Variants in LRMDA observed in about 807,000 individuals in gnomAD.
LRMDA encodes leucine rich melanocyte differentiation associated, also known as leucine-rich melanocyte differentiation-associated protein.
In LRMDA, 18 loss-of-function variants were observed where a neutral mutation model predicts 29.8. The ratio of observed to expected loss-of-function variants is 0.60; its 90% CI spans 0.42 to 0.90. LRMDA has a LOEUF of 0.90. Ranked by LOEUF, LRMDA falls within the 40% of genes least tolerant of loss-of-function variation. The pLI is 0.00. For missense variants in LRMDA, 273 were observed against 273.9 expected (o/e 1.00, Z 0.02); for synonymous variants, 125 against 109.4 (o/e 1.14, Z -0.89).
chr10:75,737,381 C>T (rs553068596), intron 2 of LRMDA, among the ~76,000 whole-genome samples: 8 of 152,312 alleles, frequency 5.3e-5, no homozygotes, highest in South Asian at 2.1e-4. Flanking sequence ...CCCCCATCAC[C>T]GTGGCAGGAA....
At position 76,555,646 on chromosome 10, in the gene LRMDA, A is replaced by G. The variant is rs1015013478; in HGVS notation, c.602-1563A>G. On this transcript the variant is annotated intron_variant, in intron 6 of 6. Coordinates refer to ENST00000611255, the MANE Select transcript of LRMDA (RefSeq NM_001305581.2). ...GTCATTTTGATCCTTATGTAAGAAT[A>G]AGGTTTGAAGTTTTGTAGTGGAGAA... Among the ~76,000 whole-genome samples the G allele has an allele frequency of 4.6e-5, 7 of 152,320 alleles. No individual in the cohort carries two copies. In the East Asian group the frequency reaches 1.3e-3, roughly 29 times the overall value.
chr10:76,472,067 C>A (rs1842623592), intron 6 of LRMDA, among the ~76,000 whole-genome samples: 1 of 151,630 alleles, frequency 6.6e-6, no homozygotes, highest in Admixed American at 6.6e-5. Context: ...ACACTATAAA[C>A]CAACTTGACC....
chr10:75,991,662 G>C (rs914812945), intron 2 of LRMDA, among the ~76,000 whole-genome samples: 1 of 152,220 alleles, frequency 6.6e-6, no homozygotes, highest in Non-Finnish European at 1.5e-5. Flanking sequence ...ACTGATGAGT[G>C]GTACCTACTA....
At chr10:76,184,539 A>G (rs1206598421) in intron 5 of LRMDA, among the ~76,000 whole-genome samples, 1 of 152,220 alleles carries the variant, frequency 6.6e-6, no homozygotes, top group Non-Finnish European at 1.5e-5. Context: ...TCATAAAAGT[A>G]TTTTCAAAGT....
chr10:76,338,105 C>T (rs1353487019), intron 6 of LRMDA, among the ~76,000 whole-genome samples: 1 of 149,544 alleles, frequency 6.7e-6, no homozygotes, highest in East Asian at 2.0e-4. Flanking sequence ...AAATGAATAA[C>T]TAACTGGAAA....
At chr10:75,770,992 C>T (rs368913866) in intron 2 of LRMDA, among the ~76,000 whole-genome samples, 64 of 152,112 alleles carry the variant, frequency 4.2e-4, no homozygotes, top group African/African-American at 1.3e-3. Context: ...TAGACGTGTC[C>T]GTGGGGAGGT....
In LRMDA at chr10:75,431,730, C is replaced by T. The variant is rs1342803449; in HGVS notation, c.6C>T (p.Ala2=). The T allele has an allele frequency of 5.1e-6, 7 of 1,360,020 alleles. No homozygotes were observed. The highest frequency in any genetic ancestry group is 2.8e-5 in the Admixed American group (1 of 35,168). The allele number at this position is 1,360,020 out of a possible 1,614,324, so 84.2% of individuals were successfully genotyped here. Residue 2 remains alanine (A), a synonymous_variant, in exon 1 of 7, where the codon GCC becomes GCT. Transcript: ENST00000611255. M[A]GLVVRGTQVS... ...CCCGCAGCGTCCTGGCCGCCATGGCCGGGCTCGTGGTGCGTGGAACTCAAG... is the reference window on the plus strand; with the variant it reads ...CCCGCAGCGTCCTGGCCGCCATGGCTGGGCTCGTGGTGCGTGGAACTCAAG...
chr10:75,964,815 C>T lies in LRMDA; in HGVS notation c.132-71193C>T, dbSNP rs747968166. Among the ~76,000 whole-genome samples the T allele has an allele frequency of 1.1e-4, 16 of 152,048 alleles. 1 individual carries two copies. Among genetic ancestry groups the T allele is most frequent in the Admixed American group, 6.6e-4 (10 of 15,266 alleles). On this transcript the variant is annotated intron_variant, in intron 2 of 6. Transcript: ENST00000611255. Reference sequence around the variant, plus strand: ...TGGGGTCTCACTCTGTCACCCAGGCCGGAATGCAGTGGTACAATCTCGGCT... The same window carrying T: ...TGGGGTCTCACTCTGTCACCCAGGCTGGAATGCAGTGGTACAATCTCGGCT...
chr10:76,112,692 C>G (rs565002118), intron 5 of LRMDA, among the ~76,000 whole-genome samples: 1 of 72 alleles, frequency 0.014, no homozygotes, highest in South Asian at 0.5. Context: ...CTAGGTAGGT[C>G]CGGCTCCCGG....
intron 2 of LRMDA, among the ~76,000 whole-genome samples, chr10:75,705,809 C>A (rs982086425): frequency 6.6e-6 from 1 of 152,196 alleles, no homozygotes; most frequent in South Asian, 2.1e-4. Context: ...GCCTGGGAAA[C>A]CCTGGTGGCT....
intron 5 of LRMDA, among the ~76,000 whole-genome samples, chr10:76,075,797 T>A (rs1848946811): frequency 6.6e-6 from 1 of 152,136 alleles, no homozygotes; most frequent in African/African-American, 2.4e-5. Flanking sequence ...CTTGGTCAGG[T>A]AGGGGTCCAG....
At chr10:76,503,048 T>C (rs912537508) in intron 6 of LRMDA, among the ~76,000 whole-genome samples, 2 of 151,990 alleles carry the variant, frequency 1.3e-5, no homozygotes, top group Admixed American at 6.6e-5. Context: ...AGATGGCTCT[T>C]ATTATTTTGA....
intron 2 of LRMDA, among the ~76,000 whole-genome samples, chr10:75,964,173 A>G (rs1344398140): frequency 6.6e-6 from 1 of 152,236 alleles, no homozygotes; most frequent in East Asian, 1.9e-4. Context: ...CCCAGAAACC[A>G]TGTTTAACAT....
At position 75,512,945 on chromosome 10, in the gene LRMDA, C is replaced by CA. The variant is rs546782806; in HGVS notation, c.131+74453dup. On this transcript the variant is annotated intron_variant, in intron 2 of 6. Transcript: ENST00000611255. The stretch of plus-strand genomic sequence containing the variant: ...AAGAGTAATGAGGCCATTACATAGC[C>CA]AAGTTTTATCTTTACCATATCAGTT... 7.4e-4 allele frequency among the ~76,000 whole-genome samples: 112 copies of CA among 151,954 alleles called. No individual in the cohort carries two copies. The East Asian group carries it at 0.016, about 22-fold the overall frequency.
intron 2 of LRMDA, among the ~76,000 whole-genome samples, chr10:76,009,915 G>A (rs973326193): frequency 6.7e-6 from 1 of 149,420 alleles, no homozygotes; most frequent in African/African-American, 2.5e-5. Context: ...TCTTTTCCGA[G>A]AGCTAAATGT....
At chr10:75,495,470 T>G (rs1433415981) in intron 2 of LRMDA, among the ~76,000 whole-genome samples, 1 of 152,190 alleles carries the variant, frequency 6.6e-6, no homozygotes, top group Non-Finnish European at 1.5e-5. Flanking sequence ...AACATTTTCA[T>G]GCAGCTAAAA....
intron 5 of LRMDA, among the ~76,000 whole-genome samples, chr10:76,219,952 G>C (rs1851799567): frequency 6.6e-6 from 1 of 152,164 alleles, no homozygotes; most frequent in South Asian, 2.1e-4. Context: ...TAGAACTCAG[G>C]ATTCAGAAAC....
intron 5 of LRMDA, among the ~76,000 whole-genome samples, chr10:76,099,731 G>A (rs1337866728): frequency 1.3e-5 from 2 of 151,962 alleles, no homozygotes. Flanking sequence ...TTAATTTTGT[G>A]TGGTTAAAAA....
chr10:76,441,328 T>G (rs1358510653), intron 6 of LRMDA, among the ~76,000 whole-genome samples: 2 of 152,196 alleles, frequency 1.3e-5, no homozygotes, highest in African/African-American at 4.8e-5. Flanking sequence ...ACACTAATAG[T>G]TGCATGGGCA....
Sources: gnomAD v4.1 joint callset for allele counts (sites outside exome capture counted in the v4.1 genomes callset) on GRCh38, gnomAD v4.1.1 for gene constraint, MANE v1.5 for transcripts, NCBI Gene and HGNC (gene_info 2026-07-23, HGNC 2026-07-21) for gene names.